The following BLTP2 variants were observed in gnomAD, a reference collection of about 807,000 sequenced individuals.
BLTP2 encodes the protein bridge-like lipid transfer protein family member 2.
the BLTP2 span, chr17:28,623,799 G>A: frequency 3.1e-6 from 5 of 1,614,204 alleles, no homozygotes; most frequent in Non-Finnish European, 4.2e-6. Flanking sequence ...CTGTGGGGCT[G>A]CTTTCAGTGG....
At chr17:28,635,163 C>T in the BLTP2 span, 41 of 1,613,894 alleles carry the variant, frequency 2.5e-5, no homozygotes, top group Middle Eastern at 1.6e-4. Flanking sequence ...GGGTCTGCAG[C>T]GCAGGGAAGG....
chr17:28,628,639 A>G, the BLTP2 span: 12 of 1,230,442 alleles, frequency 9.8e-6, no homozygotes, highest in East Asian at 2.4e-4. Context: ...AGTTTGTTGA[A>G]TAAGAAACCT....
At chr17:28,633,838 C>T in the BLTP2 span, 5 of 1,602,306 alleles carry the variant, frequency 3.1e-6, no homozygotes, top group Non-Finnish European at 3.4e-6. Context: ...AGCTCACCTC[C>T]CATTTCACCC....
the BLTP2 span, chr17:28,637,802 G>A: frequency 1.3e-6 from 2 of 1,595,956 alleles, no homozygotes; most frequent in Non-Finnish European, 1.7e-6. Flanking sequence ...CTCCCAAGTA[G>A]CACACTTCAG....
At chr17:28,643,968 C>T in the BLTP2 span, 1 of 1,469,554 alleles carries the variant, frequency 6.8e-7, no homozygotes, top group South Asian at 1.3e-5. Flanking sequence ...GAAAAGCCAC[C>T]AGGATTTCTA....
At chr17:28,614,860 C>T in the BLTP2 span, 3 of 537,862 alleles carry the variant, frequency 5.6e-6, no homozygotes, top group South Asian at 6.1e-5. Flanking sequence ...GCCTCTCTGG[C>T]CCTGAGCCTG....
chr17:28,624,323 T>C, the BLTP2 span: 2 of 1,613,998 alleles, frequency 1.2e-6, no homozygotes, highest in Non-Finnish European at 1.7e-6. Context: ...CACTCATGCC[T>C]GATTCCTCTT....
At chr17:28,638,690 T>C in the BLTP2 span, 1 of 1,076,776 alleles carries the variant, frequency 9.3e-7, no homozygotes, top group Non-Finnish European at 1.4e-6. Context: ...GAACTGCAGC[T>C]TCCTATCATG....
the BLTP2 span, chr17:28,619,065 C>A: frequency 1.0e-6 from 1 of 972,118 alleles, no homozygotes; most frequent in Non-Finnish European, 1.5e-6. Flanking sequence ...GGAGGTAAAC[C>A]CAGAAATTAA....
chr17:28,628,535 G>C, the BLTP2 span: 1 of 1,613,868 alleles, frequency 6.2e-7, no homozygotes, highest in Non-Finnish European at 8.5e-7. Context: ...TGAAAGGTAG[G>C]ATCCCCATCA....
chr17:28,617,014 G>C, the BLTP2 span: 2 of 1,577,498 alleles, frequency 1.3e-6, no homozygotes, highest in Non-Finnish European at 1.7e-6. Context: ...AGGATAGAGA[G>C]TAAAGAAGAG....
the BLTP2 span, chr17:28,620,513 C>T: frequency 3.1e-6 from 5 of 1,613,978 alleles, no homozygotes; most frequent in Non-Finnish European, 1.7e-6. Flanking sequence ...GCTCACCTTC[C>T]GCTTAGGTTC....
the BLTP2 span, chr17:28,616,424 C>A: frequency 6.2e-7 from 1 of 1,614,190 alleles, no homozygotes; most frequent in South Asian, 1.1e-5. This position sits in a 1 kb window ranked among gnomAD's most constrained non-coding sequence, Gnocchi z 4.8. Context: ...AACTCCGAGT[C>A]AAACCCTGTG....
At chr17:28,626,192 C>T in the BLTP2 span, among the ~76,000 whole-genome samples, 1 of 152,216 alleles carries the variant, frequency 6.6e-6, no homozygotes, top group African/African-American at 2.4e-5. Flanking sequence ...AAAACAATGA[C>T]ACACCCATGT....
At chr17:28,625,350 A>G in the BLTP2 span, among the ~76,000 whole-genome samples, 6 of 150,334 alleles carry the variant, frequency 4.0e-5, no homozygotes, top group African/African-American at 1.2e-4. Flanking sequence ...AAAAAAAAAA[A>G]AAAAAAAAGA....
chr17:28,641,988 C>T, the BLTP2 span: 2 of 1,614,210 alleles, frequency 1.2e-6, no homozygotes, highest in East Asian at 2.2e-5. Context: ...GTCCACACAT[C>T]CACAGTGATA....
At chr17:28,635,674 A>G in the BLTP2 span, 1 of 1,487,886 alleles carries the variant, frequency 6.7e-7, no homozygotes, top group Non-Finnish European at 9.1e-7. Context: ...GATGGCAAGG[A>G]TTATGACACA....
At chr17:28,620,090 A>T in the BLTP2 span, 1 of 1,366,194 alleles carries the variant, frequency 7.3e-7, no homozygotes, top group East Asian at 2.3e-5. Context: ...TAGAGAAAGG[A>T]GAAAGAAATG....
At chr17:28,631,077 C>T in the BLTP2 span, among the ~76,000 whole-genome samples, 1 of 152,130 alleles carries the variant, frequency 6.6e-6, no homozygotes, top group Non-Finnish European at 1.5e-5. Context: ...TACTGTGTTC[C>T]CCCCAAATTC....
Sources: gnomAD v4.1 joint callset for allele counts (sites outside exome capture counted in the v4.1 genomes callset) on GRCh38, gnomAD v4.1.1 for gene constraint, Gnocchi (gnomAD v3.1) non-coding constraint, MANE v1.5 for transcripts, NCBI Gene and HGNC (gene_info 2026-07-23, HGNC 2026-07-21) for gene names.